The following VPS13C variants were observed in gnomAD, a reference collection of about 807,000 sequenced individuals.
The protein encoded by VPS13C is intermembrane lipid transfer protein VPS13C.
In VPS13C, 358 loss-of-function variants were observed where a neutral mutation model predicts 456.8. The observed-to-expected ratio is 0.78, with a 90% CI of 0.72 to 0.86. VPS13C has a LOEUF of 0.86. Among genes scored for constraint, VPS13C ranks in the 40% least tolerant of loss-of-function variants. The pLI, the probability that VPS13C is intolerant of heterozygous loss-of-function variation, is 0.00. For missense variants in VPS13C, 4,818 were observed against 4,385.4 expected, an observed-to-expected ratio of 1.10 and a Z score of -2.79; for synonymous variants, 1,578 against 1,486.7, an observed-to-expected ratio of 1.06 and a Z score of -1.41.
intron 1 of VPS13C, among the ~76,000 whole-genome samples, chr15:62,056,967 T>G (rs972131499): frequency 6.6e-6 from 1 of 152,142 alleles, no homozygotes; most frequent in Admixed American, 6.5e-5. Flanking sequence ...TTGCTTTGTA[T>G]CCAATAAATA....
At position 61,918,075 on chromosome 15, in the gene VPS13C, G is replaced by T. The variant is rs11071639; in HGVS notation, c.7760+61C>A. On this transcript the variant is annotated intron_variant, in intron 59 of 84. Coordinates refer to ENST00000644861, the MANE Select transcript of VPS13C (RefSeq NM_020821.3). ...AGTTAATAAAAATATGAAGTTATTT[G>T]CCAGAATATAAATCCCCAACTCAAT... 782,160 of 1,478,800 alleles carry T rather than the reference G, an allele frequency of 0.53. 209,035 individuals carry two copies. Among genetic ancestry groups the T allele is most frequent in the Admixed American group, 0.65 (25,623 of 39,284 alleles). The allele number at this position is 1,478,800 out of a possible 1,614,324, so 91.6% of individuals were successfully genotyped here.
At chr15:62,011,987 A>G (rs1332404446) in intron 12 of VPS13C, 120 bp downstream of exon 12, 1 of 603,186 alleles carries the variant, frequency 1.7e-6, no homozygotes, top group Non-Finnish European at 2.9e-6. Context: ...GTATCATAAT[A>G]GTAAGGTATA....
chr15:61,921,921 C>G (rs1309220214), intron 55 of VPS13C, 26 bp downstream of exon 55: 1 of 1,592,810 alleles, frequency 6.3e-7, no homozygotes, highest in Admixed American at 1.7e-5. Flanking sequence ...ATCATTCTAT[C>G]CAAAGATATT....
At chr15:61,907,219 C>A in intron 66 of VPS13C, 45 bp downstream of exon 66, 2 of 1,611,946 alleles carry the variant, frequency 1.2e-6, no homozygotes, top group Non-Finnish European at 1.7e-6. Context: ...CTACTTCCTT[C>A]ACTGTCAGGT....
At chr15:61,878,142 T>G (rs2140896126) in intron 74 of VPS13C, among the ~76,000 whole-genome samples, 1 of 152,008 alleles carries the variant, frequency 6.6e-6, no homozygotes, top group East Asian at 1.9e-4. Flanking sequence ...ATTTTATCAT[T>G]CGTTTCCTCT....
chr15:61,982,319 T>C (rs903950437), intron 21 of VPS13C, 140 bp downstream of exon 21: 6 of 504,118 alleles, frequency 1.2e-5, no homozygotes, highest in African/African-American at 7.9e-5. Flanking sequence ...GAGAAAGCCA[T>C]GTCCACTCTA....
intron 82 of VPS13C, among the ~76,000 whole-genome samples, chr15:61,860,371 T>C (rs1278002444): frequency 2.6e-5 from 4 of 152,132 alleles, no homozygotes. Context: ...CTTTCATATA[T>C]TGTTGAGTGG....
At position 62,023,794 on chromosome 15, in the gene VPS13C, A is replaced by G; in HGVS notation, c.500T>C (p.Leu167Pro). Residue 167 changes from leucine (L) to proline (P), a missense_variant, in exon 7 of 85, where the codon CTT becomes CCT. By Grantham distance (98) the Leu-to-Pro change is moderately conservative. Transcript: ENST00000644861. ...CTTTTACCTACCTTTTGAACGATCA[A>G]GACCTTTAAAAGGTTTCTTAAAATG... The part of the protein sequence containing the change: ...KKHFKKPFKG[L>P]DRSKDKPKEA... 2 of 1,610,830 alleles carry G rather than the reference A, an allele frequency of 1.2e-6. No homozygotes were observed. The highest frequency in any genetic ancestry group is 1.7e-6 in the Non-Finnish European group (2 of 1,178,132).
chr15:61,990,526 G>A (rs2046191785), intron 18 of VPS13C, among the ~76,000 whole-genome samples: 1 of 152,064 alleles, frequency 6.6e-6, no homozygotes, highest in Non-Finnish European at 1.5e-5. Flanking sequence ...ATCTAAAGTT[G>A]GAGGCTGGGC....
chr15:61,983,828 A>G lies in VPS13C; in HGVS notation c.1906T>C (p.Tyr636His), dbSNP rs761753294. Residue 636 changes from tyrosine to histidine, a missense_variant, in exon 20 of 85, where the codon TAT (tyrosine) becomes CAT (histidine). By Grantham distance (83) the Tyr-to-His change is moderately conservative. Coordinates refer to ENST00000644861, the MANE Select transcript of VPS13C (RefSeq NM_020821.3). ...IVQSQPVEVI[Y>H]DAKTVNAVVE... ...TTTCTCCTTGCACTTACAGCATCAT[A>G]GATGACCTCCACAGGCTGGGACTGA... 2.5e-6 allele frequency: 4 copies of G among 1,613,794 alleles called. No homozygotes were observed. Among genetic ancestry groups the G allele is most frequent in the Non-Finnish European group, 3.4e-6 (4 of 1,179,950 alleles).
chr15:61,959,251 A>C (rs2045111930), intron 36 of VPS13C, among the ~76,000 whole-genome samples, 197 bp downstream of exon 36: 1 of 152,126 alleles, frequency 6.6e-6, no homozygotes, highest in Admixed American at 6.6e-5. Context: ...TGTATGTATA[A>C]TAAATTTTAA....
At chr15:62,020,348 T>G in intron 9 of VPS13C, 131 bp downstream of exon 9, 2 of 639,368 alleles carry the variant, frequency 3.1e-6, no homozygotes, top group Non-Finnish European at 4.7e-6. Context: ...TCTAGAAAAG[T>G]TGTTTAGCAT....
chr15:62,034,970 A>G lies in VPS13C; in HGVS notation c.270T>C (p.Val90=), dbSNP rs776988002. Residue 90 remains valine (V), a synonymous_variant, in exon 4 of 85, where the codon GTT becomes GTC. Transcript: ENST00000644861. ...AAAATAACATACTTGCTCCAGGGAC[A>G]ACAAGCAGGTATAATCCTTCCAGGG... is the stretch of plus-strand genomic sequence containing the variant. ...VATLEGLYLL[V]VPGASIKYDA... 2 of 1,593,878 alleles carry G rather than the reference A, an allele frequency of 1.3e-6. No homozygotes were observed. The highest frequency in any genetic ancestry group is 1.7e-6 in the Non-Finnish European group (2 of 1,169,158).
intron 82 of VPS13C, among the ~76,000 whole-genome samples, chr15:61,859,501 G>A (rs1894107928): frequency 6.6e-6 from 1 of 152,078 alleles, no homozygotes; most frequent in Non-Finnish European, 1.5e-5. Context: ...CTACCATCCA[G>A]CCATTCCACA....
At chr15:61,856,220 A>C in intron 83 of VPS13C, 66 bp downstream of exon 83, 1 of 1,571,068 alleles carries the variant, frequency 6.4e-7, no homozygotes, top group South Asian at 1.2e-5. Flanking sequence ...TATTTTGTGT[A>C]GTTAACTGCA....
At chr15:61,875,895 A>G (rs764346626) in intron 75 of VPS13C, 50 bp from the exon 76 acceptor site, 4 of 1,218,216 alleles carry the variant, frequency 3.3e-6, no homozygotes, top group Non-Finnish European at 4.6e-6. Flanking sequence ...ATTGTAAGAA[A>G]CATCATAATG....
chr15:61,917,658 C>A, intron 59 of VPS13C, 23 bp from the exon 60 acceptor site: 1 of 1,596,878 alleles, frequency 6.3e-7, no homozygotes, highest in East Asian at 2.2e-5. Flanking sequence ...GAAACAGTGA[C>A]AATAAAGTTT....
chr15:62,037,889 C>T (rs2048117979), intron 3 of VPS13C, among the ~76,000 whole-genome samples: 1 of 151,858 alleles, frequency 6.6e-6, no homozygotes, highest in Middle Eastern at 3.4e-3. Flanking sequence ...TGTTTCGAGA[C>T]AAAAACATAA....
chr15:62,024,620 A>G (rs1048290340), intron 6 of VPS13C, among the ~76,000 whole-genome samples: 5 of 152,038 alleles, frequency 3.3e-5, no homozygotes, highest in African/African-American at 1.2e-4. Flanking sequence ...TACCAGATTG[A>G]TGTCTTTTAA....
Sources: allele counts gnomAD v4.1 joint callset (sites outside exome capture counted in the v4.1 genomes callset), GRCh38; gene constraint gnomAD v4.1.1; transcripts MANE v1.5; gene names NCBI Gene and HGNC (gene_info 2026-07-23, HGNC 2026-07-21).